The following RTTN variants were observed in gnomAD, a reference collection of about 807,000 sequenced individuals.
The protein encoded by RTTN is rotatin.
A neutral mutation model predicts 269.2 loss-of-function variants in RTTN; 182 were observed. The ratio of observed to expected loss-of-function variants is 0.68; its 90% CI spans 0.60 to 0.76. The LOEUF (loss-of-function observed/expected upper bound fraction) is 0.76, where lower values mean the gene tolerates loss of function less well. Ranked by LOEUF, RTTN falls within the 30% of genes least tolerant of loss-of-function variation. RTTN has a pLI of 0.00. For missense variants in RTTN, 2,545 were observed against 2,608.6 expected (o/e 0.98, Z 0.53); for synonymous variants, 1,006 against 963.5 (o/e 1.04, Z -0.82).
intron 26 of RTTN, among the ~76,000 whole-genome samples, chr18:70,119,379 C>T (rs1206498973): frequency 3.3e-5 from 5 of 151,544 alleles, no homozygotes; most frequent in Admixed American, 2.0e-4. Flanking sequence ...AAGATCTCTA[C>T]ACTAATGTCC....
chr18:70,086,797 G>C (rs1360190734), intron 31 of RTTN, 113 bp from the exon 32 acceptor site: 2 of 950,836 alleles, frequency 2.1e-6, no homozygotes, highest in Non-Finnish European at 3.1e-6. Flanking sequence ...AATAGCAAAA[G>C]ACATCTCTGG....
Position 70,088,042 on chromosome 18 carries a change from T to C in RTTN, c.4249A>G (p.Thr1417Ala). The C allele has an allele frequency of 6.2e-7, 1 of 1,613,798 alleles. No homozygotes were observed. Residue 1417 changes from threonine to alanine, a missense_variant, in exon 31 of 49, where the codon ACT (threonine) becomes GCT (alanine). Physicochemically the swap from Thr to Ala is moderately conservative, Grantham distance 58. Transcript: ENST00000640769. ...TGGTCCAGAAGAATGTTCACCACAGTTCCCCAGAGCCCACCGGAAATGTTC... is the reference window on the plus strand; with the variant it reads ...TGGTCCAGAAGAATGTTCACCACAGCTCCCCAGAGCCCACCGGAAATGTTC... ...CQNISGGLWG[T>A]VVNILLDQSE... is the part of the protein sequence containing the mutation.
chr18:70,119,705 G>GA (rs1343226662), intron 26 of RTTN, among the ~76,000 whole-genome samples: 1 of 152,166 alleles, frequency 6.6e-6, no homozygotes, highest in Non-Finnish European at 1.5e-5. Context: ...TACAATTCTA[G>GA]AAATTCAGTC....
Position 70,127,586 on chromosome 18 carries a change from A to C in RTTN, c.3299T>G (p.Leu1100Arg). The change falls in exon 25 of 49, where the codon CTG (leucine) becomes CGG (arginine). Residue 1100 changes from leucine to arginine, a missense_variant. Leu to Arg is a moderately radical substitution (Grantham distance 102, BLOSUM62 -2). Transcript: ENST00000640769. ...ACCCTTTAAAGACAATCTGTCATTC[A>C]GAAGATAAAAACTCATCCTGGTGAC... ...AAVTRMSFYL[L>R]NDRLSLKGCP... 6.2e-7 allele frequency: 1 copy of C among 1,613,574 alleles called. No individual in the cohort carries two copies. The highest frequency in any genetic ancestry group is 1.1e-5 in the South Asian group (1 of 91,068).
intron 40 of RTTN, among the ~76,000 whole-genome samples, chr18:70,043,313 G>A (rs1279853058): frequency 5.3e-5 from 8 of 152,082 alleles, no homozygotes; most frequent in Admixed American, 6.6e-5. Flanking sequence ...TCTGCAACAC[G>A]GTTCAACTGT....
At chr18:70,040,894 T>C (rs1599230550) in intron 40 of RTTN, among the ~76,000 whole-genome samples, 1 of 151,996 alleles carries the variant, frequency 6.6e-6, no homozygotes. Context: ...AATGAAAAAA[T>C]TAAGAAGAAA....
chr18:70,049,602 C>T (rs566303122), intron 39 of RTTN, among the ~76,000 whole-genome samples: 1 of 151,892 alleles, frequency 6.6e-6, no homozygotes, highest in Non-Finnish European at 1.5e-5. Flanking sequence ...TAAAAAAAAT[C>T]GGTCAGTTGA....
chr18:70,088,481 G>A (rs2058758890), intron 30 of RTTN, among the ~76,000 whole-genome samples: 1 of 151,920 alleles, frequency 6.6e-6, no homozygotes, highest in South Asian at 2.1e-4. Flanking sequence ...TCTTAAAAAA[G>A]GTAGCTATTC....
At chr18:70,070,136 T>G (rs546278196) in intron 34 of RTTN, among the ~76,000 whole-genome samples, 1 of 152,240 alleles carries the variant, frequency 6.6e-6, no homozygotes, top group South Asian at 2.1e-4. Flanking sequence ...AGACGATTCT[T>G]GCATGTCTAA....
chr18:70,021,394 AG>A (rs548548654), intron 44 of RTTN, among the ~76,000 whole-genome samples: 2 of 152,232 alleles, frequency 1.3e-5, no homozygotes, highest in East Asian at 3.9e-4. Context: ...TTATTGAGGG[AG>A]AAAAAAAAAT....
chr18:70,086,572 T>C (rs1193821854), intron 32 of RTTN, 41 bp downstream of exon 32: 2 of 1,411,362 alleles, frequency 1.4e-6, no homozygotes, highest in Non-Finnish European at 2.0e-6. Context: ...CCAATTAATT[T>C]GAAACATCTA....
At chr18:70,187,464 A>G (rs2061573134) in intron 10 of RTTN, among the ~76,000 whole-genome samples, 2 of 152,190 alleles carry the variant, frequency 1.3e-5, no homozygotes, top group South Asian at 4.1e-4. Context: ...GGAGAGAGGC[A>G]TCTCTGAGCT....
At chr18:70,011,957 C>G (rs1264404767) in intron 46 of RTTN, among the ~76,000 whole-genome samples, 25 of 46,512 alleles carry the variant, frequency 5.4e-4, no homozygotes, top group South Asian at 1.4e-3. Flanking sequence ...GTATTGGTTA[C>G]AGGGCAGCGT....
At chr18:70,187,308 T>C (rs768113437) in intron 10 of RTTN, among the ~76,000 whole-genome samples, 1 of 152,176 alleles carries the variant, frequency 6.6e-6, no homozygotes, top group South Asian at 2.1e-4. Context: ...GTCTATAATA[T>C]ACCACCTTTT....
chr18:70,186,064 A>C (rs2061537009), intron 10 of RTTN, among the ~76,000 whole-genome samples: 1 of 150,530 alleles, frequency 6.6e-6, no homozygotes, highest in Non-Finnish European at 1.5e-5. Flanking sequence ...CATCTATCAG[A>C]ATGCCCTCTC....
chr18:70,202,473 T>C (rs1002051303), intron 3 of RTTN, among the ~76,000 whole-genome samples: 1 of 152,244 alleles, frequency 6.6e-6, no homozygotes, highest in Non-Finnish European at 1.5e-5. Flanking sequence ...AGGAAAAGGC[T>C]AAAACTATAG....
intron 4 of RTTN, among the ~76,000 whole-genome samples, chr18:70,199,877 T>C (rs1020262730): frequency 2.0e-5 from 3 of 152,212 alleles, no homozygotes; most frequent in Non-Finnish European, 4.4e-5. Context: ...AACCTTAACT[T>C]TTCAAAATTA....
intron 46 of RTTN, among the ~76,000 whole-genome samples, chr18:70,011,924 TAGAAGGCAGCGTC>T (rs1470486394): frequency 1.3e-4 from 19 of 150,802 alleles, no homozygotes; most frequent in African/African-American, 4.6e-4. Flanking sequence ...TGGTATTGGT[TAGAAGGCAGCGTC>T]TGCTCACTGG....
chr18:70,148,905 G>A lies in RTTN; in HGVS notation c.2305C>T (p.Pro769Ser). The change falls in exon 17 of 49, where the codon CCA (proline) becomes TCA (serine). Residue 769 changes from proline to serine, a missense_variant. Physicochemically the swap from Pro to Ser is moderately conservative, Grantham distance 74. Coordinates refer to ENST00000640769, the MANE Select transcript of RTTN (RefSeq NM_173630.4). ...SMLRLLLVKKPSVRSLALKLL... is the reference protein window; with the variant it reads ...SMLRLLLVKKSSVRSLALKLL... The stretch of plus-strand genomic sequence containing the variant: ...ACAAGATTACGTTGTACTCACGATG[G>A]CTTTTTCACTAGCAAAAGTCGCAGC... The A allele has an allele frequency of 6.2e-7, 1 of 1,613,198 alleles. No homozygotes were observed. Among genetic ancestry groups the A allele is most frequent in the Non-Finnish European group, 8.5e-7 (1 of 1,179,412 alleles).
Sources: allele counts gnomAD v4.1 joint callset (sites outside exome capture counted in the v4.1 genomes callset), GRCh38; gene constraint gnomAD v4.1.1; transcripts MANE v1.5; gene names NCBI Gene and HGNC (gene_info 2026-07-23, HGNC 2026-07-21).